UNC5A: variants seen among roughly 807,000 people sequenced by gnomAD.
The protein encoded by UNC5A is netrin receptor UNC5A.
A neutral mutation model predicts 87.4 loss-of-function variants in UNC5A; 20 were observed. That is an observed-to-expected ratio of 0.23 (90% CI 0.16 to 0.33). The LOEUF (loss-of-function observed/expected upper bound fraction) is 0.33. UNC5A is among the 10% of genes least tolerant of loss of function. UNC5A has a pLI of 1.00. For synonymous variants in UNC5A, 438 were observed against 482.3 expected, an observed-to-expected ratio of 0.91 and a Z score of 1.20; for missense variants, 844 against 1,133.4, an observed-to-expected ratio of 0.74 and a Z score of 3.67.
chr5:176,834,151 C>G (rs1757093347), intron 1 of UNC5A, among the ~76,000 whole-genome samples: 2 of 152,140 alleles, frequency 1.3e-5, no homozygotes, highest in Admixed American at 1.3e-4. Context: ...AGCTGATACT[C>G]CAGTGGAGGG....
In UNC5A at chr5:176,810,906, C is replaced by A; in HGVS notation, c.70+86C>A. 1 of 1,132,790 alleles carries A rather than the reference C, an allele frequency of 8.8e-7. No homozygotes were observed. Among genetic ancestry groups the A allele is most frequent in the Non-Finnish European group, 1.1e-6 (1 of 915,332 alleles). 70.2% of individuals were successfully genotyped at this position (1,132,790 alleles called of 1,614,324 possible). The stretch of plus-strand genomic sequence containing the variant: ...CTGCTCTGGGGGTCCCTGACCAGCG[C>A]TGCCAGACCCGGCTGGGAGCCCCCC... On this transcript the variant is annotated intron_variant, in intron 1 of 14. Coordinates refer to ENST00000329542, the MANE Select transcript of UNC5A (RefSeq NM_133369.3). The surrounding 1 kb of genome is among the most constrained non-coding windows in gnomAD (Gnocchi z 7.3).
At position 176,822,253 on chromosome 5, in the gene UNC5A, C is replaced by T. The variant is rs73340043; in HGVS notation, c.70+11433C>T. On this transcript the variant is annotated intron_variant, in intron 1 of 14. Coordinates refer to ENST00000329542, the MANE Select transcript of UNC5A (RefSeq NM_133369.3). ...GGCGGGGGATGCTCACTTTTGGCCCCCCTCTGTGACACGCCCTGGAAGTAT... is the reference window on the plus strand; with the variant it reads ...GGCGGGGGATGCTCACTTTTGGCCCTCCTCTGTGACACGCCCTGGAAGTAT... Among the ~76,000 whole-genome samples, 610 of 152,366 alleles carry T rather than the reference C, an allele frequency of 4.0e-3. 3 individuals carry two copies. Among genetic ancestry groups the T allele is most frequent in the African/African-American group, 0.014 (566 of 41,582 alleles).
chr5:176,811,697 G>A (rs1338090971), intron 1 of UNC5A, among the ~76,000 whole-genome samples: 3 of 152,152 alleles, frequency 2.0e-5, no homozygotes, highest in East Asian at 3.9e-4. Flanking sequence ...CCTGATCTCT[G>A]CCCCCCATGC....
chr5:176,858,670 G>A (rs905832612), intron 1 of UNC5A, among the ~76,000 whole-genome samples: 6 of 148,144 alleles, frequency 4.1e-5, no homozygotes, highest in East Asian at 4.0e-4. Context: ...ACTACCTGGC[G>A]TTGTCTTTGA....
intron 1 of UNC5A, among the ~76,000 whole-genome samples, chr5:176,843,790 C>T (rs572198475): frequency 3.3e-5 from 5 of 152,332 alleles, no homozygotes; most frequent in African/African-American, 9.6e-5. Context: ...TCCTCCCACT[C>T]GGCGGCTGGG....
At chr5:176,822,015 G>A (rs1402205376) in intron 1 of UNC5A, among the ~76,000 whole-genome samples, 2 of 152,262 alleles carry the variant, frequency 1.3e-5, no homozygotes, top group African/African-American at 2.4e-5. Context: ...TAAGAGCCAG[G>A]GCTCTGATGT....
chr5:176,862,481 G>A (rs1312898452), intron 1 of UNC5A, 143 bp from the exon 2 acceptor site: 7 of 818,540 alleles, frequency 8.6e-6, no homozygotes, highest in Non-Finnish European at 1.4e-5. Context: ...ATTGGCCTGA[G>A]ATTGCCCAGC....
At chr5:176,813,110 C>G (rs983639988) in intron 1 of UNC5A, among the ~76,000 whole-genome samples, 1 of 152,214 alleles carries the variant, frequency 6.6e-6, no homozygotes, top group Non-Finnish European at 1.5e-5. Flanking sequence ...TCAGCATGCT[C>G]GCACCTGCAG....
intron 1 of UNC5A, among the ~76,000 whole-genome samples, chr5:176,858,663 A>G (rs751746709): frequency 3.3e-5 from 5 of 149,746 alleles, no homozygotes; most frequent in Non-Finnish European, 5.9e-5. Flanking sequence ...AGCAGGCACT[A>G]CCTGGCGTTG....
chr5:176,825,157 G>C (rs570860317), intron 1 of UNC5A, among the ~76,000 whole-genome samples: 2 of 152,342 alleles, frequency 1.3e-5, no homozygotes, highest in Admixed American at 1.3e-4. Flanking sequence ...GTGGGAAGTG[G>C]AGTTGAGAGA....
chr5:176,848,054 G>A lies in UNC5A; in HGVS notation c.71-14570G>A, dbSNP rs573119651. ...ACCAGACCTGGGGGGGCAAGAGGAA[G>A]AGGAGGCATCCAGCAGCCCCTCCAG... On this transcript the variant is annotated intron_variant, in intron 1 of 14. Coordinates refer to ENST00000329542, the MANE Select transcript of UNC5A (RefSeq NM_133369.3). The surrounding 1 kb of genome is among the most constrained non-coding windows in gnomAD (Gnocchi z 5.8). Among the ~76,000 whole-genome samples, 9 of 152,194 alleles carry A rather than the reference G, an allele frequency of 5.9e-5. No individual in the cohort carries two copies. The South Asian group carries it at 1.9e-3, about 32-fold the overall frequency.
intron 14 of UNC5A, 56 bp downstream of exon 14, chr5:176,879,544 C>T (rs945056914): frequency 4.5e-6 from 7 of 1,552,878 alleles, no homozygotes; most frequent in African/African-American, 4.1e-5. Context: ...TCCTGCCCGG[C>T]GGCGGGGTGG....
intron 1 of UNC5A, among the ~76,000 whole-genome samples, chr5:176,847,417 G>T (rs1283787758): frequency 6.6e-6 from 1 of 152,042 alleles, no homozygotes; most frequent in South Asian, 2.1e-4. Context: ...CTGCCGAGGC[G>T]GGGGGGCCCT....
intron 1 of UNC5A, among the ~76,000 whole-genome samples, chr5:176,830,689 CAT>C (rs1254638609): frequency 2.9e-5 from 3 of 101,950 alleles, no homozygotes; most frequent in Admixed American, 1.1e-4. Context: ...TGTGTGCTGG[CAT>C]GTGTGTGCAC....
intron 1 of UNC5A, among the ~76,000 whole-genome samples, chr5:176,859,083 G>A (rs112412199): frequency 0.016 from 2,439 of 149,538 alleles, 93 homozygotes; most frequent in African/African-American, 0.059. Context: ...GCCCTTGCTA[G>A]AGGGCATAGC....
intron 1 of UNC5A, among the ~76,000 whole-genome samples, chr5:176,818,808 C>T (rs900385726): frequency 2.0e-5 from 3 of 152,200 alleles, no homozygotes; most frequent in African/African-American, 7.2e-5. Context: ...GAAGCCCATT[C>T]CCCATCCCCA....
rs114792405 is a variant in UNC5A at position 176,816,814 on chromosome 5, C to G, written c.70+5994C>G. ...GGCAGAGGGCACTGTTCAGTCCTCT[C>G]CTTCGGGAAGTGGGGGAGTCCTTGG... On this transcript the variant is annotated intron_variant, in intron 1 of 14. Transcript: ENST00000329542. 9.1e-3 allele frequency among the ~76,000 whole-genome samples: 1,388 copies of G among 152,362 alleles called. 24 individuals carry two copies. Among genetic ancestry groups the G allele is most frequent in the African/African-American group, 0.032 (1,312 of 41,582 alleles).
Position 176,874,580 on chromosome 5 carries a change from CA to C in UNC5A, c.1378+15del, listed in dbSNP as rs755780252. On this transcript the variant is annotated intron_variant, in intron 8 of 14. Transcript: ENST00000329542. The surrounding 1 kb of genome is among the most constrained non-coding windows in gnomAD (Gnocchi z 7.6). Reference sequence around the variant, plus strand: ...TCCCTAATACAGGTAGGAAGGACCCCAGGGGGCTCTGAGAGCTCCACTTCCC... The same window carrying C: ...TCCCTAATACAGGTAGGAAGGACCCCGGGGGCTCTGAGAGCTCCACTTCCC... The C allele has an allele frequency of 4.1e-4, 625 of 1,512,808 alleles. 1 individual carries two copies. The highest frequency in any genetic ancestry group is 5.2e-4 in the Non-Finnish European group (585 of 1,127,794). 93.7% of individuals were successfully genotyped at this position (1,512,808 alleles called of 1,614,324 possible). A position where few individuals can be genotyped will look rare whatever the true frequency, so the allele number is the denominator to read the frequency against.
intron 1 of UNC5A, among the ~76,000 whole-genome samples, chr5:176,823,946 C>T (rs1210804336): frequency 1.3e-5 from 2 of 152,180 alleles, no homozygotes; most frequent in African/African-American, 2.4e-5. Flanking sequence ...CCTCCTTTGG[C>T]GACCTCCCGC....
Sources: gnomAD v4.1 joint callset for allele counts (sites outside exome capture counted in the v4.1 genomes callset) on GRCh38, gnomAD v4.1.1 for gene constraint, Gnocchi (gnomAD v3.1) non-coding constraint, MANE v1.5 for transcripts, NCBI Gene and HGNC (gene_info 2026-07-23, HGNC 2026-07-21) for gene names.